CNGB3: variants seen among roughly 807,000 people sequenced by gnomAD.
The protein encoded by CNGB3 is cyclic nucleotide gated channel subunit beta 3.
CNGB3 carries 86 observed loss-of-function variants against 92.8 expected under a neutral mutation model. The observed-to-expected ratio is 0.93, with a 90% CI of 0.78 to 1.11. The LOEUF (loss-of-function observed/expected upper bound fraction) is 1.11, where lower values mean the gene tolerates loss of function less well. Ranked by LOEUF, CNGB3 falls within the 50% of genes least tolerant of loss-of-function variation. The pLI, the probability that CNGB3 is intolerant of heterozygous loss-of-function variation, is 0.00. For synonymous variants in CNGB3, 333 were observed against 332.7 expected (o/e 1.00, Z -0.01); for missense variants, 1,026 against 956.8 (o/e 1.07, Z -0.95).
At chr8:86,715,895 C>T (rs1192900361) in intron 3 of CNGB3, among the ~76,000 whole-genome samples, 1 of 150,884 alleles carries the variant, frequency 6.6e-6, no homozygotes, top group Non-Finnish European at 1.5e-5. Flanking sequence ...TTAATGGGTG[C>T]AGCACACCAG....
At chr8:86,740,757 A>G (rs1825326280) in intron 1 of CNGB3, among the ~76,000 whole-genome samples, 1 of 152,174 alleles carries the variant, frequency 6.6e-6, no homozygotes, top group Non-Finnish European at 1.5e-5. Context: ...CAATAACCAT[A>G]TACATTAGGC....
chr8:86,639,738 C>A (rs1823144168), intron 10 of CNGB3, among the ~76,000 whole-genome samples: 1 of 151,994 alleles, frequency 6.6e-6, no homozygotes, highest in South Asian at 2.1e-4. Flanking sequence ...CTGACATATG[C>A]AAATTATCTA....
At chr8:86,659,595 G>C in intron 6 of CNGB3, 1 of 550,456 alleles carries the variant, frequency 1.8e-6, no homozygotes, top group East Asian at 4.3e-5. Context: ...ACAGCAGAGA[G>C]AGCCCACTCC....
intron 10 of CNGB3, among the ~76,000 whole-genome samples, chr8:86,635,820 TGATATATATATATATATATATATATATA>T (rs1823052421): frequency 1.6e-5 from 1 of 62,136 alleles, no homozygotes; most frequent in Non-Finnish European, 3.0e-5. Flanking sequence ...GTATAACACA[TGATATATATATATATATATATATATATA>T]TATATATATA....
intron 10 of CNGB3, among the ~76,000 whole-genome samples, 188 bp downstream of exon 10, chr8:86,643,563 T>C (rs1263242092): frequency 6.6e-6 from 1 of 151,240 alleles, no homozygotes; most frequent in African/African-American, 2.4e-5. Context: ...TTCACTAAGA[T>C]AATGACCTTC....
At chr8:86,717,803 T>C (rs1292739467) in intron 3 of CNGB3, among the ~76,000 whole-genome samples, 2 of 152,258 alleles carry the variant, frequency 1.3e-5, no homozygotes, top group Admixed American at 6.5e-5. Flanking sequence ...ATCGAAATTA[T>C]ATTAAGTACT....
chr8:86,720,261 T>A (rs955597440), intron 3 of CNGB3, among the ~76,000 whole-genome samples: 1 of 152,030 alleles, frequency 6.6e-6, no homozygotes, highest in African/African-American at 2.4e-5. Flanking sequence ...GACAAAGGAC[T>A]AATATCCAGA....
chr8:86,699,291 T>C (rs550466755), intron 3 of CNGB3, among the ~76,000 whole-genome samples: 6 of 152,156 alleles, frequency 3.9e-5, no homozygotes, highest in South Asian at 2.1e-4. Flanking sequence ...ATAATAATAA[T>C]TTAGATATAA....
intron 14 of CNGB3, among the ~76,000 whole-genome samples, chr8:86,604,654 T>C (rs759766245): frequency 1.1e-4 from 17 of 152,166 alleles, no homozygotes; most frequent in Non-Finnish European, 1.9e-4. Context: ...GAGGTCTGAT[T>C]TGGGGAATTG....
intron 3 of CNGB3, among the ~76,000 whole-genome samples, chr8:86,726,205 T>C: frequency 6.6e-6 from 1 of 152,212 alleles, no homozygotes; most frequent in Non-Finnish European, 1.5e-5. Context: ...CATCATTTCT[T>C]TTTAAAATTC....
At chr8:86,655,925 G>A (rs556632745) in intron 6 of CNGB3, among the ~76,000 whole-genome samples, 41 of 152,298 alleles carry the variant, frequency 2.7e-4, no homozygotes, top group African/African-American at 9.6e-4. Context: ...TGGACACATG[G>A]AAGTAGCGTC....
chr8:86,659,592 A>G (rs1823590924), intron 6 of CNGB3: 1 of 551,646 alleles, frequency 1.8e-6, no homozygotes. Context: ...GAGACAGCAG[A>G]GAGAGCCCAC....
intron 4 of CNGB3, among the ~76,000 whole-genome samples, chr8:86,669,643 G>A (rs1271049522): frequency 1.3e-5 from 2 of 152,024 alleles, no homozygotes; most frequent in Non-Finnish European, 2.9e-5. Context: ...TGTTTAAAAA[G>A]AAACTGTTAT....
chr8:86,655,551 T>G (rs2131604245), intron 6 of CNGB3, among the ~76,000 whole-genome samples: 1 of 152,294 alleles, frequency 6.6e-6, no homozygotes, highest in South Asian at 2.1e-4. Flanking sequence ...TCCATCAAGA[T>G]TTGGACTAAG....
intron 15 of CNGB3, among the ~76,000 whole-genome samples, chr8:86,581,826 C>T (rs1207138221): frequency 6.6e-6 from 1 of 152,118 alleles, no homozygotes; most frequent in Non-Finnish European, 1.5e-5. Context: ...TCTGTAAGCC[C>T]AGTCAACAGT....
chr8:86,576,535 T>A (rs1017553380), intron 17 of CNGB3, among the ~76,000 whole-genome samples: 2 of 152,204 alleles, frequency 1.3e-5, no homozygotes, highest in African/African-American at 4.8e-5. Context: ...AAAAATACTG[T>A]AAAAAGTAGG....
chr8:86,644,136 G>A (rs78364595), intron 9 of CNGB3, among the ~76,000 whole-genome samples: 23,498 of 150,922 alleles, frequency 0.16, 1,912 homozygotes, highest in Admixed American at 0.24. Flanking sequence ...AGTCAACTCC[G>A]TGAAAGACAT....
At chr8:86,667,996 G>A in intron 5 of CNGB3, 23 bp downstream of exon 5, 2 of 1,613,590 alleles carry the variant, frequency 1.2e-6, no homozygotes, top group East Asian at 2.2e-5. Flanking sequence ...CTCCCACTAT[G>A]ATAATTCACC....
rs1232498935 is a variant in CNGB3 at position 86,654,077 on chromosome 8, T to C, written c.853-15A>G. On this transcript the variant is annotated splice_polypyrimidine_tract_variant and intron_variant, in intron 6 of 17. Coordinates refer to ENST00000320005, the MANE Select transcript of CNGB3 (RefSeq NM_019098.5). ...TTTGAATCCACCTGAAAGATATTTGTATTTTCATTAATTTTAGCCAATTTC... is the reference window on the plus strand; with the variant it reads ...TTTGAATCCACCTGAAAGATATTTGCATTTTCATTAATTTTAGCCAATTTC... 1.9e-6 allele frequency: 3 copies of C among 1,539,080 alleles called. No individual in the cohort carries two copies. Among genetic ancestry groups the C allele is most frequent in the South Asian group, 2.2e-5 (2 of 89,368 alleles).
Sources: gnomAD v4.1 joint callset for allele counts (sites outside exome capture counted in the v4.1 genomes callset) on GRCh38, gnomAD v4.1.1 for gene constraint, MANE v1.5 for transcripts, NCBI Gene and HGNC (gene_info 2026-07-23, HGNC 2026-07-21) for gene names.